The following DNAH3 variants were observed in gnomAD, a reference collection of about 807,000 sequenced individuals.
DNAH3 encodes dynein axonemal heavy chain 3.
A neutral mutation model predicts 432.5 loss-of-function variants in DNAH3; 332 were observed. The ratio of observed to expected loss-of-function variants is 0.77; its 90% CI spans 0.70 to 0.84. The LOEUF is 0.84. DNAH3 is among the 40% of genes least tolerant of loss of function. DNAH3 has a pLI of 0.00. For missense variants in DNAH3, 4,861 were observed against 5,114.0 expected (o/e 0.95, Z 1.51); for synonymous variants, 1,956 against 1,900.2 (o/e 1.03, Z -0.76).
At chr16:20,950,322 T>A (rs1475052975) in intron 56 of DNAH3, among the ~76,000 whole-genome samples, 2 of 152,188 alleles carry the variant, frequency 1.3e-5, no homozygotes, top group Non-Finnish European at 2.9e-5. Context: ...TTGGCACTCT[T>A]AACATGTTGG....
intron 14 of DNAH3, among the ~76,000 whole-genome samples, chr16:21,108,255 C>T (rs1255754855): frequency 6.6e-6 from 1 of 152,208 alleles, no homozygotes; most frequent in African/African-American, 2.4e-5. Context: ...GGGGTGTCTG[C>T]ATTCTTAGAT....
At chr16:21,143,011 G>A (rs1057335659) in intron 3 of DNAH3, among the ~76,000 whole-genome samples, 5 of 152,124 alleles carry the variant, frequency 3.3e-5, no homozygotes, top group African/African-American at 9.7e-5. Flanking sequence ...GTATTTTAAT[G>A]AATAATAAGC....
At chr16:21,015,542 A>G (rs3103819) in intron 41 of DNAH3, among the ~76,000 whole-genome samples, 125,695 of 152,126 alleles carry the variant, frequency 0.83, 52,677 homozygotes, top group African/African-American at 0.95. Context: ...GAACCTTAAC[A>G]TACACTATGA....
intron 52 of DNAH3, among the ~76,000 whole-genome samples, chr16:20,968,737 C>T (rs543675160): frequency 6.6e-6 from 1 of 151,798 alleles, no homozygotes; most frequent in Admixed American, 6.6e-5. Flanking sequence ...TGTCTCCTGC[C>T]CATGTCTCTC....
intron 18 of DNAH3, among the ~76,000 whole-genome samples, chr16:21,094,480 G>T (rs1467858873): frequency 6.6e-6 from 1 of 152,094 alleles, no homozygotes; most frequent in Non-Finnish European, 1.5e-5. Flanking sequence ...AGATCAGCCT[G>T]GCCAACATGG....
At chr16:21,158,900 G>A (rs1189047941) in intron 1 of DNAH3, among the ~76,000 whole-genome samples, 4 of 152,042 alleles carry the variant, frequency 2.6e-5, no homozygotes, top group Admixed American at 2.0e-4. Flanking sequence ...GTTAGTGTAA[G>A]GGGCGTCTCC....
At chr16:21,125,144 CAAA>C in intron 9 of DNAH3, 28 bp downstream of exon 10, 1 of 1,543,502 alleles carries the variant, frequency 6.5e-7, no homozygotes, top group Non-Finnish European at 8.8e-7. Flanking sequence ...TTATTCCCCT[CAAA>C]AGGTCCAAAT....
At chr16:20,957,233 A>T (rs2152603600) in intron 54 of DNAH3, among the ~76,000 whole-genome samples, 1 of 152,318 alleles carries the variant, frequency 6.6e-6, no homozygotes, top group Non-Finnish European at 1.5e-5. Flanking sequence ...GTAAAGGACC[A>T]AATAGTACAT....
At chr16:20,944,515 C>T (rs201273521) in exon 58 of DNAH3, 20 of 1,614,032 alleles carry the variant, frequency 1.2e-5, no homozygotes, top group Non-Finnish European at 1.6e-5. Context: ...CTTGCCACTT[C>T]CTCCTGACTG....
At chr16:20,959,548 T>A (rs2084719629) in intron 53 of DNAH3, 144 bp from the exon 54 acceptor site, 3 of 746,062 alleles carry the variant, frequency 4.0e-6, no homozygotes, top group Non-Finnish European at 6.4e-6. Context: ...GGTGGGAGGA[T>A]CACTTGAGCT....
At chr16:20,994,969 G>A (rs1343044931) in intron 44 of DNAH3, among the ~76,000 whole-genome samples, 1 of 151,772 alleles carries the variant, frequency 6.6e-6, no homozygotes, top group East Asian at 1.9e-4. Context: ...TAGAGACAGG[G>A]TCTCACCCAG....
intron 7 of DNAH3, among the ~76,000 whole-genome samples, chr16:21,130,793 CAGGTACATGT>C (rs1437773281): frequency 6.6e-6 from 1 of 152,184 alleles, no homozygotes; most frequent in Non-Finnish European, 1.5e-5. Flanking sequence ...AATTTAAACT[CAGGTACATGT>C]GATTATCTAT....
At chr16:20,942,831 T>A (rs576752167) in intron 58 of DNAH3, among the ~76,000 whole-genome samples, 1 of 152,290 alleles carries the variant, frequency 6.6e-6, no homozygotes, top group South Asian at 2.1e-4. Context: ...GGATTTTAGG[T>A]GTTTCCAGGA....
At chr16:21,141,179 T>G in intron 4 of DNAH3, 121 bp downstream of exon 5, 1 of 744,762 alleles carries the variant, frequency 1.3e-6, no homozygotes, top group Non-Finnish European at 2.2e-6. Flanking sequence ...GATTCGTGGA[T>G]AAGAATATGA....
At chr16:21,142,212 C>A (rs2092728330) in intron 3 of DNAH3, among the ~76,000 whole-genome samples, 1 of 151,766 alleles carries the variant, frequency 6.6e-6, no homozygotes, top group Non-Finnish European at 1.5e-5. Flanking sequence ...ACTAAAAATA[C>A]AAAAATTAGC....
chr16:21,112,131 C>G (rs375230702), intron 12 of DNAH3, 33 bp from the exon 13 acceptor site: 1 of 1,449,998 alleles, frequency 6.9e-7, no homozygotes, highest in Admixed American at 1.8e-5. Context: ...ATCAAACACA[C>G]AAATATAAGT....
exon 53 of DNAH3, chr16:20,963,752 T>C: frequency 6.2e-7 from 1 of 1,613,906 alleles, no homozygotes; most frequent in Non-Finnish European, 8.5e-7. Flanking sequence ...ATGCCGATGG[T>C]CAGGAGGAGA....
At chr16:21,158,911 T>C (rs973385484) in intron 1 of DNAH3, among the ~76,000 whole-genome samples, 13 of 152,008 alleles carry the variant, frequency 8.6e-5, no homozygotes, top group African/African-American at 3.1e-4. Context: ...GGGCGTCTCC[T>C]GCTTATGAGT....
At chr16:21,110,825 C>T (rs541722395) in intron 14 of DNAH3, among the ~76,000 whole-genome samples, 11 of 152,134 alleles carry the variant, frequency 7.2e-5, no homozygotes, top group African/African-American at 1.9e-4. Context: ...GAGCTATGAT[C>T]GCGCCACTAC....
Sources: allele counts gnomAD v4.1 joint callset (sites outside exome capture counted in the v4.1 genomes callset), GRCh38; gene constraint gnomAD v4.1.1; transcripts MANE v1.5; gene names NCBI Gene and HGNC (gene_info 2026-07-23, HGNC 2026-07-21).